NTRK2: variants seen among roughly 807,000 people sequenced by gnomAD.
NTRK2 encodes the protein BDNF/NT-3 growth factors receptor.
A neutral mutation model predicts 94.5 loss-of-function variants in NTRK2; 13 were observed. The ratio of observed to expected loss-of-function variants is 0.14; its 90% CI spans 0.09 to 0.22. NTRK2 has a LOEUF of 0.22. NTRK2 is among the 10% of genes least tolerant of loss of function. The pLI, the probability that NTRK2 is intolerant of heterozygous loss-of-function variation, is 1.00. For missense variants in NTRK2, 639 were observed against 1,071.2 expected (o/e 0.60, Z 5.63); for synonymous variants, 372 against 407.4 (o/e 0.91, Z 1.05).
At chr9:84,974,061 T>A (rs200904562) in intron 17 of NTRK2, among the ~76,000 whole-genome samples, 1 of 48 alleles carries the variant, frequency 0.021, no homozygotes, top group East Asian at 0.5. Context: ...CTTTTTCTGT[T>A]CTTTTCTCTT....
intron 12 of NTRK2, among the ~76,000 whole-genome samples, chr9:84,797,231 A>G (rs1425313622): frequency 5.9e-5 from 9 of 151,782 alleles, no homozygotes; most frequent in Non-Finnish European, 5.9e-5. Flanking sequence ...CCTGCTATCT[A>G]TTTTTCATAA....
intron 12 of NTRK2, among the ~76,000 whole-genome samples, chr9:84,800,504 A>G (rs1053383135): frequency 6.6e-6 from 1 of 152,184 alleles, no homozygotes; most frequent in Non-Finnish European, 1.5e-5. Flanking sequence ...CCTGGCCAAG[A>G]TGTAGTTTTA....
intron 12 of NTRK2, among the ~76,000 whole-genome samples, chr9:84,858,933 G>T (rs909688590): frequency 6.6e-6 from 1 of 152,110 alleles, no homozygotes; most frequent in Non-Finnish European, 1.5e-5. Flanking sequence ...CAGTGACCAC[G>T]AGCTGAAAGA....
intron 14 of NTRK2, chr9:84,873,679 G>A (rs200662085): frequency 2.6e-4 from 271 of 1,054,906 alleles, no homozygotes; most frequent in East Asian, 1.2e-3. Context: ...ATTATAAGCC[G>A]CACTGAGATG....
chr9:84,929,797 A>T (rs753236484), intron 14 of NTRK2, among the ~76,000 whole-genome samples: 7 of 152,110 alleles, frequency 4.6e-5, no homozygotes, highest in Non-Finnish European at 7.4e-5. Context: ...CCTGACCTCA[A>T]GTGATCAGCC....
At chr9:84,796,539 T>A (rs1021194213) in intron 12 of NTRK2, among the ~76,000 whole-genome samples, 2 of 152,216 alleles carry the variant, frequency 1.3e-5, no homozygotes, top group African/African-American at 4.8e-5. Context: ...ATCTACAATA[T>A]CTGCCAAAGG....
chr9:84,763,444 A>G (rs896634660), intron 12 of NTRK2, among the ~76,000 whole-genome samples: 15 of 151,838 alleles, frequency 9.9e-5, no homozygotes, highest in African/African-American at 3.4e-4. Context: ...TTTTCATCAT[A>G]TATGTGGATC....
At chr9:85,006,121 G>T (rs1406658113) in intron 17 of NTRK2, among the ~76,000 whole-genome samples, 1 of 152,180 alleles carries the variant, frequency 6.6e-6, no homozygotes, top group Non-Finnish European at 1.5e-5. Context: ...TAAGGAAAAA[G>T]AAACCTATAC....
Position 84,958,182 on chromosome 9 carries a change from T to C in NTRK2, c.2172+2665T>C, listed in dbSNP as rs151136033. Among the ~76,000 whole-genome samples the C allele has an allele frequency of 4.8e-3, 729 of 151,552 alleles. 6 individuals are homozygous for C. Among genetic ancestry groups the C allele is most frequent in the African/African-American group, 0.016 (660 of 41,232 alleles). On this transcript the variant is annotated intron_variant, in intron 17 of 18. Transcript: ENST00000277120. Reference sequence around the variant, plus strand: ...GAACTATATACAGTGGTGGCAATTGTACAACATTAATCATATACAAAAAAA... The same window carrying C: ...GAACTATATACAGTGGTGGCAATTGCACAACATTAATCATATACAAAAAAA...
At chr9:84,886,599 A>T (rs77776264) in intron 14 of NTRK2, among the ~76,000 whole-genome samples, 55 of 152,272 alleles carry the variant, frequency 3.6e-4, no homozygotes, top group African/African-American at 1.3e-3. Flanking sequence ...TGTTGCTGCA[A>T]AGTGGTATCT....
intron 2 of NTRK2, among the ~76,000 whole-genome samples, chr9:84,698,662 A>C (rs2060537993): frequency 6.6e-6 from 1 of 152,188 alleles, no homozygotes; most frequent in Non-Finnish European, 1.5e-5. Context: ...TCCTCCAACA[A>C]TTTCAGAGAA....
At chr9:84,843,079 G>T (rs1329407878) in intron 12 of NTRK2, among the ~76,000 whole-genome samples, 1 of 152,156 alleles carries the variant, frequency 6.6e-6, no homozygotes, top group African/African-American at 2.4e-5. Flanking sequence ...AGGAATGGGG[G>T]GTCATAGCAT....
intron 17 of NTRK2, among the ~76,000 whole-genome samples, chr9:85,007,007 C>A (rs1330229389): frequency 6.6e-6 from 1 of 152,238 alleles, no homozygotes; most frequent in Non-Finnish European, 1.5e-5. Flanking sequence ...TTCCCTAGGG[C>A]AACCACATAC....
Position 84,716,680 on chromosome 9 carries a change from G to C in NTRK2, c.583+5889G>C, listed in dbSNP as rs541930406. Among the ~76,000 whole-genome samples, 12 of 152,286 alleles carry C rather than the reference G, an allele frequency of 7.9e-5. No homozygotes were observed. The South Asian group carries it at 2.3e-3, about 29-fold the overall frequency. Reference sequence around the variant, plus strand: ...TTGGTTTAATTTTCTTAGAGATCAGGTTTTATCTCCCAAATCAAGCAAACC... The same window carrying C: ...TTGGTTTAATTTTCTTAGAGATCAGCTTTTATCTCCCAAATCAAGCAAACC... On this transcript the variant is annotated intron_variant, in intron 6 of 18. Transcript: ENST00000277120.
chr9:84,998,962 A>G (rs560821299), intron 17 of NTRK2, among the ~76,000 whole-genome samples: 1 of 152,064 alleles, frequency 6.6e-6, no homozygotes, highest in Non-Finnish European at 1.5e-5. Flanking sequence ...TCCCCCATGC[A>G]GCCTTCTTTT....
intron 17 of NTRK2, among the ~76,000 whole-genome samples, chr9:84,969,804 T>C (rs536113008): frequency 6.6e-6 from 1 of 152,222 alleles, no homozygotes; most frequent in South Asian, 2.1e-4. Context: ...ACCCTGTGAA[T>C]TCTATCCATG....
chr9:84,731,097 A>T (rs889009063), intron 9 of NTRK2, among the ~76,000 whole-genome samples: 11 of 152,018 alleles, frequency 7.2e-5, no homozygotes, highest in Admixed American at 7.2e-4. Context: ...AATTAATGTG[A>T]CATCTCTGGT....
chr9:84,815,242 A>G, intron 12 of NTRK2: 1 of 1,055,668 alleles, frequency 9.5e-7, no homozygotes, highest in Non-Finnish European at 1.1e-6. Flanking sequence ...CATGTTCATG[A>G]GTGAGCACCC....
chr9:84,858,438 AC>A (rs1394242442), intron 12 of NTRK2, among the ~76,000 whole-genome samples: 2 of 148,880 alleles, frequency 1.3e-5, no homozygotes, highest in Non-Finnish European at 3.0e-5. Flanking sequence ...CCCTCCCCCA[AC>A]CCCCCTTCCA....
Sources: gnomAD v4.1 joint callset for allele counts (sites outside exome capture counted in the v4.1 genomes callset) on GRCh38, gnomAD v4.1.1 for gene constraint, MANE v1.5 for transcripts, NCBI Gene and HGNC (gene_info 2026-07-23, HGNC 2026-07-21) for gene names.